XYLB: variants seen among roughly 807,000 people sequenced by gnomAD.
XYLB encodes the protein xylulokinase.
In XYLB, 62 loss-of-function variants were observed where a neutral mutation model predicts 78.7. That is an observed-to-expected ratio of 0.79 (90% CI 0.64 to 0.97). The LOEUF (loss-of-function observed/expected upper bound fraction) is 0.97, where lower values mean the gene tolerates loss of function less well. XYLB is among the 50% of genes least tolerant of loss of function. The pLI is 0.00. For missense variants in XYLB, 687 were observed against 676.8 expected, an observed-to-expected ratio of 1.02 and a Z score of -0.17; for synonymous variants, 245 against 247.4, an observed-to-expected ratio of 0.99 and a Z score of 0.09.
At chr3:38,404,575 CG>C (rs1415425510) in intron 18 of XYLB, among the ~76,000 whole-genome samples, 1 of 152,014 alleles carries the variant, frequency 6.6e-6, no homozygotes, top group Non-Finnish European at 1.5e-5. Context: ...CCAGCACTTT[CG>C]GAGGCCGAGG....
intron 2 of XYLB, among the ~76,000 whole-genome samples, chr3:38,358,248 G>T (rs1705770234): frequency 3.9e-5 from 1 of 25,560 alleles, no homozygotes; most frequent in Non-Finnish European, 1.2e-4. Flanking sequence ...TTTGGGCCTG[G>T]TGCTTTTGGG....
intron 12 of XYLB, among the ~76,000 whole-genome samples, chr3:38,375,829 G>C (rs1165029879): frequency 6.6e-6 from 1 of 152,194 alleles, no homozygotes; most frequent in African/African-American, 2.4e-5. Flanking sequence ...GCCCATGGTA[G>C]AATGTGCAGA....
intron 9 of XYLB, 70 bp from the exon 10 acceptor site, chr3:38,372,585 G>T: frequency 3.1e-6 from 5 of 1,611,138 alleles, no homozygotes; most frequent in Non-Finnish European, 2.5e-6. Flanking sequence ...TGGCCTGAAG[G>T]GTGGGTGGCT....
At chr3:38,348,732 A>G in intron 2 of XYLB, 100 bp downstream of exon 2, 1 of 1,061,364 alleles carries the variant, frequency 9.4e-7, no homozygotes, top group South Asian at 1.3e-5. Flanking sequence ...GGCTTTGCCA[A>G]ATACAGGAGT....
intron 18 of XYLB, among the ~76,000 whole-genome samples, chr3:38,405,464 C>T (rs13094878): frequency 0.42 from 63,644 of 151,232 alleles, 15,679 homozygotes; most frequent in Non-Finnish European, 0.56. Context: ...ACGCAGAAGA[C>T]GGGTGATTTC....
intron 18 of XYLB, among the ~76,000 whole-genome samples, chr3:38,402,438 G>A (rs1336172507): frequency 6.6e-6 from 1 of 152,206 alleles, no homozygotes; most frequent in Non-Finnish European, 1.5e-5. Flanking sequence ...AGCTCATGCT[G>A]TCTAGAGCAG....
chr3:38,447,303 C>CT, the XYLB span, among the ~76,000 whole-genome samples: 194 of 152,000 alleles, frequency 1.3e-3, no homozygotes, highest in African/African-American at 4.3e-3. Flanking sequence ...AAATGGAACT[C>CT]TTTTTTATTT....
the XYLB span, among the ~76,000 whole-genome samples, chr3:38,427,789 A>G: frequency 1.3e-5 from 2 of 152,066 alleles, no homozygotes; most frequent in Non-Finnish European, 2.9e-5. Context: ...GACAGGTTTC[A>G]TCATGTTGGG....
At chr3:38,379,100 G>A in intron 14 of XYLB, 146 bp from the exon 15 acceptor site, 1 of 714,034 alleles carries the variant, frequency 1.4e-6, no homozygotes, top group South Asian at 1.7e-5. Context: ...GAGTGTGTGT[G>A]ACAGGCAAAG....
chr3:38,451,139 T>C, the XYLB span: 1 of 152,078 alleles, frequency 6.6e-6, no homozygotes, highest in Non-Finnish European at 1.5e-5. Context: ...AGGAAAGAAA[T>C]GTAACAATAT....
At position 38,413,947 on chromosome 3, in the gene XYLB, T is replaced by G. The variant is rs1708702269; in HGVS notation, c.*934T>G. The G allele has an allele frequency of 6.6e-6, 1 of 152,228 alleles. No homozygotes were observed. Among genetic ancestry groups the G allele is most frequent in the Non-Finnish European group, 1.5e-5 (1 of 68,028 alleles). 9.4% of individuals were successfully genotyped at this position (152,228 alleles called of 1,614,324 possible). Reference sequence around the variant, plus strand: ...TATTTCATCAGCTGAAAAGTGATTCTCACTTTGAGTTTTCTTCCTATATTT... The same window carrying G: ...TATTTCATCAGCTGAAAAGTGATTCGCACTTTGAGTTTTCTTCCTATATTT... On this transcript the variant is annotated 3_prime_UTR_variant, in exon 19 of 19. Coordinates refer to ENST00000207870, the MANE Select transcript of XYLB (RefSeq NM_005108.4).
rs768333826 is a variant in XYLB at position 38,368,217 on chromosome 3, C to T, written c.606C>T (p.Ser202=). 1 of 1,614,116 alleles carries T rather than the reference C, an allele frequency of 6.2e-7. No homozygotes were observed. Among genetic ancestry groups the T allele is most frequent in the Admixed American group, 1.7e-5 (1 of 60,016 alleles). Residue 202 remains serine, a synonymous_variant, in exon 8 of 19, where the codon TCC becomes TCT. Transcript: ENST00000207870. ...RISLVSSFAA[S]LFLGSYSPID... ...CTTTGGTCAGTAGCTTTGCTGCTTC[C>T]CTGTTCCTTGGCTCTTACTCCCCTA...
the XYLB span, among the ~76,000 whole-genome samples, chr3:38,445,259 G>C: frequency 1.3e-5 from 2 of 152,266 alleles, no homozygotes; most frequent in East Asian, 3.9e-4. Flanking sequence ...TATAGCCTTT[G>C]TTAGGCCTGC....
intron 1 of XYLB, among the ~76,000 whole-genome samples, chr3:38,347,251 G>A (rs939443825): frequency 2.0e-4 from 31 of 152,360 alleles, no homozygotes; most frequent in African/African-American, 7.2e-4. Flanking sequence ...TTCCTGCGCT[G>A]TTCTGGGCAC....
rs186571957 is a variant in XYLB at position 38,401,918 on chromosome 3, T to A, written c.1533+933T>A. 5.9e-5 allele frequency among the ~76,000 whole-genome samples: 9 copies of A among 152,114 alleles called. No homozygotes were observed. The East Asian group carries it at 1.7e-3, about 29-fold the overall frequency. The stretch of plus-strand genomic sequence containing the variant: ...GTAAGGAACTGTGAAGGGTCTGAGA[T>A]TTACCTGACTTGCAAGCTAACAAGT... On this transcript the variant is annotated intron_variant, in intron 18 of 18. Transcript: ENST00000207870.
the XYLB span, among the ~76,000 whole-genome samples, chr3:38,441,006 T>C: frequency 6.6e-6 from 1 of 152,120 alleles, no homozygotes; most frequent in African/African-American, 2.4e-5. Flanking sequence ...TCTTTCCTCT[T>C]TCTTTCTCTC....
chr3:38,434,638 G>T, the XYLB span, among the ~76,000 whole-genome samples: 11 of 152,130 alleles, frequency 7.2e-5, no homozygotes, highest in African/African-American at 2.7e-4. Flanking sequence ...AAATTCACTG[G>T]TAAAGCAATC....
At chr3:38,368,344 G>A (rs1706373291) in intron 8 of XYLB, 87 bp downstream of exon 8, 3 of 1,198,358 alleles carry the variant, frequency 2.5e-6, no homozygotes, top group East Asian at 2.3e-5. Flanking sequence ...CCTACCCCGA[G>A]TGGGTGCCAA....
intron 15 of XYLB, among the ~76,000 whole-genome samples, chr3:38,393,327 A>G (rs1707747376): frequency 6.6e-6 from 1 of 152,088 alleles, no homozygotes; most frequent in Admixed American, 6.6e-5. Context: ...AATAGTTTTT[A>G]TAGAAACAGG....
Sources: allele counts gnomAD v4.1 joint callset (sites outside exome capture counted in the v4.1 genomes callset), GRCh38; gene constraint gnomAD v4.1.1; transcripts MANE v1.5; gene names NCBI Gene and HGNC (gene_info 2026-07-23, HGNC 2026-07-21).